Variants in DAAM1 observed in about 807,000 individuals in gnomAD.
DAAM1 encodes the protein dishevelled associated activator of morphogenesis 1.
A neutral mutation model predicts 130.0 loss-of-function variants in DAAM1; 52 were observed. That is an observed-to-expected ratio of 0.40 (90% CI 0.32 to 0.50). The LOEUF is 0.50. DAAM1 is among the 20% of genes least tolerant of loss of function. DAAM1 has a pLI of 0.61. For missense variants in DAAM1, 1,134 were observed against 1,303.8 expected, an observed-to-expected ratio of 0.87 and a Z score of 2.01; for synonymous variants, 452 against 444.5, an observed-to-expected ratio of 1.02 and a Z score of -0.21.
At position 59,299,070 on chromosome 14, in the gene DAAM1, A is replaced by G. The variant is rs182160275; in HGVS notation, c.273+7764A>G. Among the ~76,000 whole-genome samples the G allele has an allele frequency of 4.0e-3, 614 of 152,348 alleles. 5 individuals are homozygous for G. Among genetic ancestry groups the G allele is most frequent in the Non-Finnish European group, 5.4e-3 (367 of 68,034 alleles). On this transcript the variant is annotated intron_variant, in intron 3 of 24. Coordinates refer to ENST00000360909, the MANE Select transcript of DAAM1 (RefSeq NM_001270520.2). The stretch of plus-strand genomic sequence containing the variant: ...AACTTTTGGAGCCATCTGTTGGGGT[A>G]TAACATTCTGGTTCTGTAGAGTCCT...
chr14:59,336,594 T>C (rs141355023), intron 15 of DAAM1, among the ~76,000 whole-genome samples: 126 of 152,356 alleles, frequency 8.3e-4, no homozygotes, highest in Admixed American at 3.3e-3. Context: ...GTGGAATCTT[T>C]AGGGTAATAA....
intron 1 of DAAM1, among the ~76,000 whole-genome samples, chr14:59,218,575 C>A (rs1351602058): frequency 1.3e-5 from 2 of 152,116 alleles, no homozygotes; most frequent in African/African-American, 4.8e-5. Flanking sequence ...ATCTACCATT[C>A]CTTGACATTA....
At chr14:59,311,983 G>A (rs1452055561) in intron 3 of DAAM1, among the ~76,000 whole-genome samples, 2 of 152,284 alleles carry the variant, frequency 1.3e-5, no homozygotes, top group African/African-American at 4.8e-5. Context: ...ACAGGTGTGA[G>A]CCACTGCACC....
intron 1 of DAAM1, among the ~76,000 whole-genome samples, 189 bp from the exon 2 acceptor site, chr14:59,263,252 A>G (rs1882261518): frequency 6.6e-6 from 1 of 152,218 alleles, no homozygotes; most frequent in Admixed American, 6.5e-5. Context: ...ACAGTCAACA[A>G]ATGAATAGAA....
At chr14:59,264,758 C>T (rs1882353117) in intron 2 of DAAM1, 1 of 152,052 alleles carries the variant, frequency 6.6e-6, no homozygotes, top group South Asian at 2.1e-4. Context: ...TCCATCCCAT[C>T]ACCTAGGTAT....
At chr14:59,333,361 A>G (rs941885) in intron 15 of DAAM1, among the ~76,000 whole-genome samples, 2 of 152,184 alleles carry the variant, frequency 1.3e-5, no homozygotes, top group African/African-American at 4.8e-5. Context: ...AAAAAACACA[A>G]TGAAGATAAG....
intron 1 of DAAM1, among the ~76,000 whole-genome samples, chr14:59,204,955 A>G (rs1377553296): frequency 6.6e-6 from 1 of 152,216 alleles, no homozygotes; most frequent in Admixed American, 6.5e-5. Flanking sequence ...TCTTCCTAAA[A>G]TGATCCCCCC....
chr14:59,260,279 T>C (rs538686188), intron 1 of DAAM1, among the ~76,000 whole-genome samples: 49 of 152,358 alleles, frequency 3.2e-4, no homozygotes, highest in African/African-American at 1.2e-3. Flanking sequence ...TTTTTAAATC[T>C]CACTTTATTA....
At position 59,324,199 on chromosome 14, in the gene DAAM1, G is replaced by A; in HGVS notation, c.846G>A (p.Met282Ile). 2 of 1,464,300 alleles carry A rather than the reference G, an allele frequency of 1.4e-6. No individual in the cohort carries two copies. Among genetic ancestry groups the A allele is most frequent in the Non-Finnish European group, 1.8e-6 (2 of 1,099,952 alleles). The allele number at this position is 1,464,300 out of a possible 1,614,324, so 90.7% of individuals were successfully genotyped here. Residue 282 changes from methionine (M) to isoleucine (I), a missense_variant, in exon 7 of 25, where the codon ATG (methionine) becomes ATA (isoleucine). Physicochemically the swap from Met to Ile is conservative, Grantham distance 10 (BLOSUM62 1). This residue lies in a region of DAAM1 where 391 missense variants were observed against 521.6 expected (regional missense o/e 0.75). Coordinates refer to ENST00000360909, the MANE Select transcript of DAAM1 (RefSeq NM_001270520.2). The stretch of plus-strand genomic sequence containing the variant: ...AAGTGAGTCTCAAGACTGCCATCAT[G>A]TCCTTCATTAATGCAGTGCTCAGCC... Reference protein sequence around the residue: ...RDEVSLKTAIMSFINAVLSQG... With the variant: ...RDEVSLKTAIISFINAVLSQG...
At chr14:59,253,462 G>T (rs571491073) in intron 1 of DAAM1, among the ~76,000 whole-genome samples, 7 of 152,120 alleles carry the variant, frequency 4.6e-5, no homozygotes, top group Admixed American at 1.3e-4. Context: ...AGTAATCTTC[G>T]CATAAAAGTA....
At chr14:59,306,170 A>G (rs1160610428) in intron 3 of DAAM1, among the ~76,000 whole-genome samples, 2 of 152,124 alleles carry the variant, frequency 1.3e-5, no homozygotes, top group African/African-American at 4.8e-5. Flanking sequence ...CTTAGAACCT[A>G]TTGTTGGAGT....
chr14:59,320,650 A>G (rs2139615004), intron 5 of DAAM1, 66 bp downstream of exon 5: 1 of 1,196,152 alleles, frequency 8.4e-7, no homozygotes, highest in East Asian at 2.5e-5. Context: ...TGCAATAGTC[A>G]AACCTTCTAG....
intron 2 of DAAM1, among the ~76,000 whole-genome samples, chr14:59,275,833 A>G (rs1477407264): frequency 6.6e-6 from 1 of 152,224 alleles, no homozygotes; most frequent in Non-Finnish European, 1.5e-5. Flanking sequence ...TTTATGTATC[A>G]AATGAAAACA....
chr14:59,367,377 G>A (rs1886960305), intron 23 of DAAM1, 52 bp from the exon 24 acceptor site: 35 of 1,546,544 alleles, frequency 2.3e-5, no homozygotes, highest in Non-Finnish European at 3.0e-5. Context: ...ATTTATATTT[G>A]ATTGTGGAAT....
At chr14:59,257,223 A>G (rs1307816327) in intron 1 of DAAM1, among the ~76,000 whole-genome samples, 2 of 152,186 alleles carry the variant, frequency 1.3e-5, no homozygotes, top group Non-Finnish European at 2.9e-5. Flanking sequence ...CCAGTCACGT[A>G]TCTCTGACAT....
chr14:59,224,611 T>C (rs919305977), intron 1 of DAAM1, among the ~76,000 whole-genome samples: 1 of 152,264 alleles, frequency 6.6e-6, no homozygotes, highest in Admixed American at 6.5e-5. Flanking sequence ...GATGAGACTA[T>C]GGACTTTAAA....
At chr14:59,278,304 A>G (rs1212670096) in intron 2 of DAAM1, among the ~76,000 whole-genome samples, 1 of 152,062 alleles carries the variant, frequency 6.6e-6, no homozygotes, top group Non-Finnish European at 1.5e-5. Flanking sequence ...TGGCTCATGG[A>G]ACCATGAGGA....
chr14:59,277,722 C>A (rs1357639352), intron 2 of DAAM1, among the ~76,000 whole-genome samples: 1 of 151,932 alleles, frequency 6.6e-6, no homozygotes, highest in Non-Finnish European at 1.5e-5. Flanking sequence ...AAAAAAAATT[C>A]TCTGACCAAT....
intron 8 of DAAM1, among the ~76,000 whole-genome samples, chr14:59,324,790 A>C (rs998896212): frequency 3.3e-5 from 5 of 152,190 alleles, no homozygotes; most frequent in Admixed American, 3.3e-4. Context: ...GCTGGTGGTG[A>C]TGATGATAAT....
Sources: gnomAD v4.1 joint callset for allele counts (sites outside exome capture counted in the v4.1 genomes callset) on GRCh38, gnomAD v4.1.1 for gene constraint, gnomAD v4.1.1 regional missense constraint, MANE v1.5 for transcripts, NCBI Gene and HGNC (gene_info 2026-07-23, HGNC 2026-07-21) for gene names.